Variants in FSTL4 observed in about 807,000 individuals in gnomAD.
FSTL4 encodes follistatin like 4.
A neutral mutation model predicts 78.2 loss-of-function variants in FSTL4; 28 were observed. The ratio of observed to expected loss-of-function variants is 0.36; its 90% CI spans 0.27 to 0.49. FSTL4 has a LOEUF of 0.49. Among genes scored for constraint, FSTL4 ranks in the 20% least tolerant of loss-of-function variants. The probability of loss-of-function intolerance (pLI) is 0.98; values close to 1 mark genes in which losing one functional copy is unlikely to be tolerated. For synonymous variants in FSTL4, 422 were observed against 440.5 expected, an observed-to-expected ratio of 0.96 and a Z score of 0.53; for missense variants, 922 against 1,084.9, an observed-to-expected ratio of 0.85 and a Z score of 2.11.
intron 14 of FSTL4, among the ~76,000 whole-genome samples, chr5:133,209,335 T>G (rs1000020894): frequency 2.6e-5 from 4 of 152,264 alleles, no homozygotes; most frequent in African/African-American, 9.6e-5. Context: ...CCAGTCTTGG[T>G]TCCAGAGGGT....
chr5:133,210,433 G>A, intron 13 of FSTL4, 135 bp from the exon 14 acceptor site: 1 of 452,490 alleles, frequency 2.2e-6, no homozygotes, highest in Middle Eastern at 5.7e-4. Flanking sequence ...TGGGAACCCA[G>A]GGCAGAAGCT....
intron 14 of FSTL4, among the ~76,000 whole-genome samples, chr5:133,205,933 A>T (rs760879491): frequency 1.2e-4 from 18 of 152,196 alleles, no homozygotes; most frequent in Non-Finnish European, 2.6e-4. Flanking sequence ...CCGAGCACAA[A>T]CTAGCGCAAC....
the FSTL4 span, among the ~76,000 whole-genome samples, chr5:133,676,056 A>T: frequency 2.6e-5 from 4 of 152,316 alleles, no homozygotes; most frequent in South Asian, 8.3e-4. Flanking sequence ...AGACCCTCAG[A>T]CGTATGAATG....
chr5:133,305,392 C>A (rs1248117581), intron 6 of FSTL4, among the ~76,000 whole-genome samples: 1 of 152,226 alleles, frequency 6.6e-6, no homozygotes, highest in African/African-American at 2.4e-5. Context: ...ATTGCCTCCT[C>A]CCTCAGTCAA....
intron 3 of FSTL4, among the ~76,000 whole-genome samples, chr5:133,547,177 T>C (rs1263009254): frequency 2.6e-5 from 4 of 152,194 alleles, no homozygotes; most frequent in Admixed American, 1.3e-4. Flanking sequence ...TTAATGTTGT[T>C]CCCTGTAGGG....
At chr5:133,493,541 G>C (rs1421087638) in intron 3 of FSTL4, among the ~76,000 whole-genome samples, 2 of 152,156 alleles carry the variant, frequency 1.3e-5, no homozygotes, top group African/African-American at 4.8e-5. Flanking sequence ...AGTCCTCCCA[G>C]GTCTCAGCCT....
Position 133,446,993 on chromosome 5 carries a change from C to T in FSTL4, c.161-46007G>A, listed in dbSNP as rs141903681. On this transcript the variant is annotated intron_variant, in intron 3 of 15. Coordinates refer to ENST00000265342, the MANE Select transcript of FSTL4 (RefSeq NM_015082.2). The stretch of plus-strand genomic sequence containing the variant: ...TGTAGGCTGAAGAGAAAAGACAGCT[C>T]CTACAAAGTACATCTTTCAGCTCTT... Among the ~76,000 whole-genome samples the T allele has an allele frequency of 1.1e-4, 17 of 152,268 alleles. No homozygotes were observed. In the East Asian group the frequency reaches 3.3e-3, roughly 29 times the overall value.
the FSTL4 span, among the ~76,000 whole-genome samples, chr5:133,831,421 C>T: frequency 2.0e-5 from 3 of 152,146 alleles, no homozygotes; most frequent in South Asian, 4.1e-4. Context: ...CATCCCCACC[C>T]GAGAACTCCA....
At chr5:133,303,650 G>A (rs921786453) in intron 6 of FSTL4, among the ~76,000 whole-genome samples, 2 of 152,212 alleles carry the variant, frequency 1.3e-5, no homozygotes, top group Non-Finnish European at 2.9e-5. Context: ...CCCACAAGCT[G>A]GGCCTTGTAG....
chr5:133,285,613 A>G (rs1753110317), intron 6 of FSTL4, among the ~76,000 whole-genome samples: 2 of 152,206 alleles, frequency 1.3e-5, no homozygotes, highest in Non-Finnish European at 2.9e-5. Context: ...TGCCACCACA[A>G]GGAGCCTCCC....
At chr5:133,756,802 A>G in the FSTL4 span, among the ~76,000 whole-genome samples, 2 of 152,006 alleles carry the variant, frequency 1.3e-5, no homozygotes, top group Non-Finnish European at 2.9e-5. Context: ...CAGATCTTTC[A>G]CCATCCCTGG....
rs1247614772 is a variant in FSTL4, at chr5:133,197,912, T to A, written c.*1183A>T. ...AATGCAGTAGTGCCAGCCTGTGGCC[T>A]TCTGTTCTGGGTTCTGCAGTGTGTG... On this transcript the variant is annotated 3_prime_UTR_variant, in exon 16 of 16. Coordinates refer to ENST00000265342, the MANE Select transcript of FSTL4 (RefSeq NM_015082.2). 6.6e-6 allele frequency: 1 copy of A among 152,514 alleles called. No individual in the cohort carries two copies. The highest frequency in any genetic ancestry group is 1.9e-4 in the East Asian group (1 of 5,200). The allele number at this position is 152,514 out of a possible 1,614,324, so 9.4% of individuals were successfully genotyped here. A position where few individuals can be genotyped will look rare whatever the true frequency, so the allele number is the denominator to read the frequency against.
the FSTL4 span, among the ~76,000 whole-genome samples, chr5:133,635,620 G>A: frequency 4.9e-4 from 75 of 152,242 alleles, no homozygotes; most frequent in African/African-American, 1.8e-3. Flanking sequence ...AAAATTAGCT[G>A]GGCGTGGTGG....
At chr5:133,417,619 G>A (rs1756601492) in intron 3 of FSTL4, among the ~76,000 whole-genome samples, 1 of 152,098 alleles carries the variant, frequency 6.6e-6, no homozygotes, top group South Asian at 2.1e-4. Context: ...AACATAAGAA[G>A]CAGCCAGAGG....
the FSTL4 span, among the ~76,000 whole-genome samples, chr5:133,668,722 T>C: frequency 6.6e-6 from 1 of 152,150 alleles, no homozygotes; most frequent in Non-Finnish European, 1.5e-5. Context: ...CTTGCCTGGA[T>C]ACTGTCTTGT....
chr5:133,680,935 C>T, the FSTL4 span, among the ~76,000 whole-genome samples: 5 of 151,648 alleles, frequency 3.3e-5, no homozygotes, highest in African/African-American at 1.2e-4. Context: ...TGGGCACAGT[C>T]AGAACTGAAC....
intron 3 of FSTL4, among the ~76,000 whole-genome samples, chr5:133,512,369 C>T (rs868685888): frequency 6.6e-6 from 1 of 152,238 alleles, no homozygotes; most frequent in Non-Finnish European, 1.5e-5. Flanking sequence ...ACACAGTGAG[C>T]AAACAACTAT....
At chr5:133,404,224 T>C (rs1035644506) in intron 3 of FSTL4, among the ~76,000 whole-genome samples, 2 of 152,196 alleles carry the variant, frequency 1.3e-5, no homozygotes, top group Non-Finnish European at 2.9e-5. Context: ...GCTACACAGA[T>C]GCTGACCCAG....
intron 4 of FSTL4, among the ~76,000 whole-genome samples, chr5:133,348,656 C>A (rs1754753093): frequency 6.6e-6 from 1 of 152,210 alleles, no homozygotes; most frequent in South Asian, 2.1e-4. Context: ...TGTGTGTCCT[C>A]CACTTCGCAA....
Sources: allele counts gnomAD v4.1 joint callset (sites outside exome capture counted in the v4.1 genomes callset), GRCh38; gene constraint gnomAD v4.1.1; transcripts MANE v1.5; gene names NCBI Gene and HGNC (gene_info 2026-07-23, HGNC 2026-07-21).